PCDH9: variants seen among roughly 807,000 people sequenced by gnomAD.
PCDH9 encodes protocadherin 9, also known as protocadherin-9.
Under a neutral mutation model 70.6 loss-of-function variants are expected in PCDH9, and 24 were observed. The ratio of observed to expected loss-of-function variants is 0.34; its 90% confidence interval spans 0.25 to 0.48. The LOEUF (loss-of-function observed/expected upper bound fraction) is 0.48, where lower values mean the gene tolerates loss of function less well. Among genes scored for constraint, PCDH9 ranks in the 20% least tolerant of loss-of-function variants. The pLI is 0.99. For synonymous variants in PCDH9, 562 were observed against 558.5 expected (o/e 1.01, Z -0.09); for missense variants, 1,281 against 1,503.6 (o/e 0.85, Z 2.45).
rs368279810 is a variant in PCDH9, at chr13:66,465,606, C to T, written c.3341-160578G>A. On this transcript the variant is annotated intron_variant, in intron 4 of 4. Transcript: ENST00000377865. ...TTAGCTTAAACTAACCACAGCATTT[C>T]AGAAGATGAACAATGAACTAGGCTC... 5.3e-5 allele frequency among the ~76,000 whole-genome samples: 8 copies of T among 151,932 alleles called. No homozygotes were observed. In the East Asian group the frequency reaches 9.7e-4, roughly 18 times the overall value.
intron 4 of PCDH9, among the ~76,000 whole-genome samples, chr13:66,417,218 C>T (rs1566309564): frequency 6.6e-6 from 1 of 152,100 alleles, no homozygotes; most frequent in Admixed American, 6.5e-5. Context: ...TGATTTTCCC[C>T]TCCCTGTGAC....
At chr13:66,665,146 G>A (rs1467397118) in intron 3 of PCDH9, among the ~76,000 whole-genome samples, 7 of 140,052 alleles carry the variant, frequency 5.0e-5, no homozygotes, top group East Asian at 2.1e-4. Flanking sequence ...TGCTCTTGTC[G>A]CCCAGGCTGG....
rs573263345 is a variant in PCDH9, at chr13:66,948,682, G to A, written c.3037-45077C>T. Among the ~76,000 whole-genome samples the A allele has an allele frequency of 9.2e-5, 14 of 152,098 alleles. 1 individual carries two copies. In the South Asian group the frequency reaches 2.7e-3, roughly 29 times the overall value. On this transcript the variant is annotated intron_variant, in intron 2 of 4. Transcript: ENST00000377865. Reference sequence around the variant, plus strand: ...AGAATTTCATATAAAAAAACAAAATGAGTGGCAAATTTTAGCATTTTGTCA... The same window carrying A: ...AGAATTTCATATAAAAAAACAAAATAAGTGGCAAATTTTAGCATTTTGTCA...
intron 3 of PCDH9, among the ~76,000 whole-genome samples, chr13:66,722,953 G>A (rs1024536186): frequency 1.4e-5 from 2 of 141,446 alleles, no homozygotes; most frequent in South Asian, 4.5e-4. Flanking sequence ...GAGCATCAGA[G>A]CCAGACTGCA....
intron 3 of PCDH9, among the ~76,000 whole-genome samples, chr13:66,762,966 A>AT (rs982770152): frequency 5.6e-4 from 84 of 150,554 alleles, no homozygotes; most frequent in African/African-American, 1.7e-3. Flanking sequence ...TAATAAGACT[A>AT]TTTTTTTTTG....
intron 4 of PCDH9, among the ~76,000 whole-genome samples, chr13:66,499,250 A>G (rs1377838642): frequency 1.3e-5 from 2 of 152,154 alleles, no homozygotes; most frequent in Non-Finnish European, 2.9e-5. Flanking sequence ...TTAAAATGAC[A>G]TTTTATTTAT....
At chr13:66,464,419 C>T (rs1211568272) in intron 4 of PCDH9, among the ~76,000 whole-genome samples, 1 of 151,858 alleles carries the variant, frequency 6.6e-6, no homozygotes, top group African/African-American at 2.4e-5. Context: ...ACAGCTATAC[C>T]TGAAAAGCTT....
chr13:66,398,756 T>C (rs901892065), intron 4 of PCDH9, among the ~76,000 whole-genome samples: 2 of 152,188 alleles, frequency 1.3e-5, no homozygotes, highest in African/African-American at 4.8e-5. Context: ...TTATTACAAA[T>C]GAAAGTATGA....
intron 4 of PCDH9, among the ~76,000 whole-genome samples, chr13:66,413,055 C>T (rs1373182134): frequency 6.6e-6 from 1 of 152,176 alleles, no homozygotes; most frequent in Non-Finnish European, 1.5e-5. Context: ...GTACATTGTT[C>T]TGCTCGTTGA....
At chr13:66,478,554 A>G (rs9529070) in intron 4 of PCDH9, among the ~76,000 whole-genome samples, 9,657 of 152,284 alleles carry the variant, frequency 0.063, 383 homozygotes, top group Non-Finnish European at 0.088. Flanking sequence ...GGAACACACA[A>G]ATGATTTTAA....
At chr13:66,990,637 A>G (rs1400659164) in intron 2 of PCDH9, among the ~76,000 whole-genome samples, 1 of 150,208 alleles carries the variant, frequency 6.7e-6, no homozygotes, top group Non-Finnish European at 1.5e-5. Context: ...AAACATGTAT[A>G]CATAAATATA....
chr13:66,474,291 T>A (rs1958676985), intron 4 of PCDH9, among the ~76,000 whole-genome samples: 1 of 152,158 alleles, frequency 6.6e-6, no homozygotes, highest in African/African-American at 2.4e-5. Flanking sequence ...TAGCTCTTAT[T>A]TCTCTGGGTT....
intron 3 of PCDH9, among the ~76,000 whole-genome samples, chr13:66,807,711 T>G (rs569244139): frequency 6.6e-6 from 1 of 152,330 alleles, no homozygotes; most frequent in South Asian, 2.1e-4. Context: ...GACAAAGGCA[T>G]GTATTATGTT....
At chr13:67,171,486 A>G (rs867938286) in intron 2 of PCDH9, among the ~76,000 whole-genome samples, 9 of 152,312 alleles carry the variant, frequency 5.9e-5, no homozygotes, top group Non-Finnish European at 1.3e-4. Flanking sequence ...TGTCAGAATT[A>G]AAGTTGGAAG....
chr13:66,521,449 C>A (rs1459446011), intron 4 of PCDH9, among the ~76,000 whole-genome samples: 1 of 152,152 alleles, frequency 6.6e-6, no homozygotes, highest in Non-Finnish European at 1.5e-5. Flanking sequence ...ATAAGAAAAC[C>A]GCTTTTATGA....
intron 3 of PCDH9, among the ~76,000 whole-genome samples, chr13:66,653,752 G>T (rs2077885677): frequency 6.6e-6 from 1 of 152,096 alleles, no homozygotes; most frequent in Admixed American, 6.5e-5. Context: ...CGGATCATGA[G>T]GTCAGGAGAC....
chr13:66,582,722 T>C (rs1481206672), intron 4 of PCDH9, among the ~76,000 whole-genome samples: 1 of 152,182 alleles, frequency 6.6e-6, no homozygotes, highest in Admixed American at 6.5e-5. Flanking sequence ...TCTTTTAACA[T>C]TTCTTTATAT....
At chr13:67,153,906 T>C (rs906498066) in intron 2 of PCDH9, among the ~76,000 whole-genome samples, 4 of 152,186 alleles carry the variant, frequency 2.6e-5, no homozygotes, top group African/African-American at 9.6e-5. Flanking sequence ...AATACCAGTC[T>C]CATCTGGGCT....
chr13:66,951,104 G>A (rs1468409400), intron 2 of PCDH9, among the ~76,000 whole-genome samples: 1 of 152,180 alleles, frequency 6.6e-6, no homozygotes, highest in African/African-American at 2.4e-5. Context: ...ACTCTGCAAA[G>A]CCTCTAACAC....
Sources: gnomAD v4.1 joint callset for allele counts (sites outside exome capture counted in the v4.1 genomes callset) on GRCh38, gnomAD v4.1.1 for gene constraint, MANE v1.5 for transcripts, NCBI Gene and HGNC (gene_info 2026-07-23, HGNC 2026-07-21) for gene names.